The following PDE4D variants were observed in gnomAD, a reference collection of about 807,000 sequenced individuals.
PDE4D encodes the protein 3',5'-cyclic-AMP phosphodiesterase 4D.
PDE4D carries 24 observed loss-of-function variants against 87.4 expected under a neutral mutation model. The ratio of observed to expected loss-of-function variants is 0.27; its 90% CI spans 0.20 to 0.39. The LOEUF is 0.39. Ranked by LOEUF, PDE4D falls within the 10% of genes least tolerant of loss-of-function variation. PDE4D has a pLI of 1.00. For synonymous variants in PDE4D, 384 were observed against 383.2 expected (o/e 1.00, Z -0.02); for missense variants, 714 against 1,041.0 (o/e 0.69, Z 4.32).
chr5:60,299,417 G>A (rs1753701370), intron 1 of PDE4D, among the ~76,000 whole-genome samples: 1 of 152,152 alleles, frequency 6.6e-6, no homozygotes, highest in Non-Finnish European at 1.5e-5. Flanking sequence ...TTAAGTTCAA[G>A]GGTACATGTG....
intron 6 of PDE4D, among the ~76,000 whole-genome samples, chr5:59,002,533 G>A (rs9292184): frequency 0.2 from 31,024 of 151,898 alleles, 3,623 homozygotes; most frequent in East Asian, 0.54. Flanking sequence ...GCTACAAGAA[G>A]TCCATGTTAA....
intron 6 of PDE4D, among the ~76,000 whole-genome samples, chr5:58,994,065 T>C (rs1748580704): frequency 6.6e-6 from 1 of 152,198 alleles, no homozygotes; most frequent in African/African-American, 2.4e-5. Flanking sequence ...TCCAGGACTA[T>C]GGAGAAGTAA....
chr5:59,838,937 T>C (rs1162422065), intron 1 of PDE4D, among the ~76,000 whole-genome samples: 1 of 152,040 alleles, frequency 6.6e-6, no homozygotes, highest in Non-Finnish European at 1.5e-5. Flanking sequence ...GTTTTATTTT[T>C]ATCTGGTTTT....
chr5:59,200,896 A>C (rs559071812), intron 2 of PDE4D, among the ~76,000 whole-genome samples: 3 of 152,018 alleles, frequency 2.0e-5, no homozygotes, highest in Non-Finnish European at 2.9e-5. Context: ...TATGGACTAC[A>C]TACTTCCTTA....
At chr5:60,305,841 A>G (rs529029594) in intron 1 of PDE4D, among the ~76,000 whole-genome samples, 14 of 152,102 alleles carry the variant, frequency 9.2e-5, no homozygotes, top group Admixed American at 3.9e-4. Flanking sequence ...ATACACACAC[A>G]CACATAGTTA....
intron 1 of PDE4D, among the ~76,000 whole-genome samples, chr5:59,746,640 A>G (rs532471126): frequency 6.6e-6 from 1 of 152,096 alleles, no homozygotes; most frequent in Admixed American, 6.5e-5. Context: ...AATTCCTGCA[A>G]ACTCGCCAGC....
chr5:59,307,937 A>G (rs1468024711), intron 1 of PDE4D, among the ~76,000 whole-genome samples: 2 of 152,174 alleles, frequency 1.3e-5, no homozygotes, highest in African/African-American at 4.8e-5. Flanking sequence ...CACTATTCAC[A>G]ATAGCAAAGA....
intron 1 of PDE4D, among the ~76,000 whole-genome samples, chr5:60,372,371 T>G (rs1229258574): frequency 6.6e-6 from 1 of 152,214 alleles, no homozygotes; most frequent in African/African-American, 2.4e-5. Flanking sequence ...CTCAAAGCCT[T>G]CCTGTCTGTT....
chr5:59,921,059 G>A (rs1414152347), intron 3 of PDE4D, among the ~76,000 whole-genome samples: 2 of 152,038 alleles, frequency 1.3e-5, no homozygotes, highest in South Asian at 2.1e-4. Flanking sequence ...CATTAAGTAC[G>A]GTAATGGGTG....
chr5:59,248,464 C>T lies in PDE4D; in HGVS notation c.456-32496G>A, dbSNP rs1035103087. 4.0e-5 allele frequency among the ~76,000 whole-genome samples: 6 copies of T among 151,894 alleles called. No homozygotes were observed. The South Asian group carries it at 6.2e-4, about 16-fold the overall frequency. The stretch of plus-strand genomic sequence containing the variant: ...TTCATCCCAGTGAAAGGGCTCATTG[C>T]GGATTCCAATCCTTATCATTTTGTC... On this transcript the variant is annotated intron_variant, in intron 1 of 14. Transcript: ENST00000340635.
chr5:59,621,983 T>C (rs569903538), intron 1 of PDE4D, among the ~76,000 whole-genome samples: 14 of 152,188 alleles, frequency 9.2e-5, no homozygotes, highest in Non-Finnish European at 1.8e-4. Context: ...TTTTCATATC[T>C]TTTATGTCAT....
intron 2 of PDE4D, among the ~76,000 whole-genome samples, chr5:60,133,551 G>GA (rs955965834): frequency 4.6e-5 from 7 of 151,706 alleles, no homozygotes; most frequent in Non-Finnish European, 8.8e-5. Flanking sequence ...TAACTATCAT[G>GA]AAAAAAAAGA....
intron 1 of PDE4D, among the ~76,000 whole-genome samples, chr5:59,675,796 C>A (rs1407407880): frequency 1.3e-5 from 2 of 152,002 alleles, no homozygotes; most frequent in Non-Finnish European, 2.9e-5. Context: ...CTCAAGAGAT[C>A]CTCCCACCTC....
chr5:60,138,674 T>C (rs1328046532), intron 2 of PDE4D, among the ~76,000 whole-genome samples: 10 of 152,058 alleles, frequency 6.6e-5, no homozygotes, highest in Admixed American at 2.6e-4. Flanking sequence ...TTCTCAAAGA[T>C]GATATTTCTG....
intron 6 of PDE4D, among the ~76,000 whole-genome samples, chr5:59,025,425 T>G (rs1756029010): frequency 6.6e-6 from 1 of 152,246 alleles, no homozygotes. Context: ...GCACTTTTCT[T>G]TGTAATTTTG....
intron 1 of PDE4D, among the ~76,000 whole-genome samples, chr5:60,242,394 C>G (rs1289481841): frequency 6.6e-6 from 1 of 152,086 alleles, no homozygotes; most frequent in African/African-American, 2.4e-5. Context: ...CAACAGCCCA[C>G]TTTCGTCATA....
chr5:59,564,256 C>A (rs1203687891), intron 1 of PDE4D, among the ~76,000 whole-genome samples: 1 of 152,124 alleles, frequency 6.6e-6, no homozygotes, highest in African/African-American at 2.4e-5. Context: ...TATTATCCAA[C>A]TAGGGAGAGA....
At chr5:59,803,259 C>T (rs1036419185) in intron 1 of PDE4D, among the ~76,000 whole-genome samples, 2 of 151,578 alleles carry the variant, frequency 1.3e-5, no homozygotes, top group East Asian at 1.9e-4. Flanking sequence ...TGGATCCCAC[C>T]GCAGACCTAC....
At chr5:59,620,438 A>C (rs1272924089) in intron 1 of PDE4D, among the ~76,000 whole-genome samples, 1 of 152,204 alleles carries the variant, frequency 6.6e-6, no homozygotes, top group African/African-American at 2.4e-5. Context: ...CTAGAAAGAA[A>C]GAAAACTATG....
Sources: gnomAD v4.1 joint callset for allele counts (sites outside exome capture counted in the v4.1 genomes callset) on GRCh38, gnomAD v4.1.1 for gene constraint, MANE v1.5 for transcripts, NCBI Gene and HGNC (gene_info 2026-07-23, HGNC 2026-07-21) for gene names.